The following HDAC9 variants were observed in gnomAD, a reference collection of about 807,000 sequenced individuals.
HDAC9 encodes histone deacetylase 9.
In HDAC9, 41 loss-of-function variants were observed where a neutral mutation model predicts 139.4. That is an observed-to-expected ratio of 0.29 (90% CI 0.23 to 0.38). HDAC9 has a LOEUF of 0.38. HDAC9 is among the 10% of genes least tolerant of loss of function. HDAC9 has a pLI of 1.00. For synonymous variants in HDAC9, 517 were observed against 476.2 expected (o/e 1.09, Z -1.12); for missense variants, 1,147 against 1,297.0 (o/e 0.88, Z 1.78).
rs546331881 is a variant in HDAC9, at chr7:18,095,837, A to G, written c.-97+8624A>G. Among the ~76,000 whole-genome samples the G allele has an allele frequency of 3.3e-5, 5 of 152,332 alleles. No homozygotes were observed. In the East Asian group the frequency reaches 5.8e-4, roughly 18 times the overall value. ...GTATTGTTGAAATTACATTGCCAGT[A>G]TCCAGTTTAAAAGTATAAAGATGCA... On this transcript the variant is annotated intron_variant, in intron 1 of 12. Coordinates refer to the HDAC9 transcript ENST00000417496.
At chr7:18,894,910 G>T (rs559547847) in intron 22 of HDAC9, among the ~76,000 whole-genome samples, 5 of 152,208 alleles carry the variant, frequency 3.3e-5, no homozygotes, top group Admixed American at 3.3e-4. Context: ...GAGTATGTGG[G>T]TCCAGATGCT....
intron 17 of HDAC9, among the ~76,000 whole-genome samples, chr7:18,826,733 T>G (rs1406408265): frequency 2.0e-5 from 3 of 150,704 alleles, no homozygotes; most frequent in Non-Finnish European, 4.4e-5. Flanking sequence ...TTTCTTAACA[T>G]GAACTCTAGA....
At chr7:18,967,743 A>T (rs1201899381) in intron 24 of HDAC9, among the ~76,000 whole-genome samples, 1 of 152,218 alleles carries the variant, frequency 6.6e-6, no homozygotes, top group Non-Finnish European at 1.5e-5. Flanking sequence ...AAACCTAAAC[A>T]AGCTTGATAT....
At chr7:18,330,978 A>C (rs1800876551) in intron 1 of HDAC9, among the ~76,000 whole-genome samples, 1 of 151,868 alleles carries the variant, frequency 6.6e-6, no homozygotes, top group African/African-American at 2.4e-5. Context: ...GATTACACAG[A>C]CATACAGTAA....
chr7:18,479,511 C>T (rs1795377717), intron 1 of HDAC9, among the ~76,000 whole-genome samples: 1 of 152,034 alleles, frequency 6.6e-6, no homozygotes, highest in African/African-American at 2.4e-5. Context: ...ATATTTGAAC[C>T]AATAATGTAT....
At chr7:18,345,252 A>C (rs185715902) in intron 1 of HDAC9, among the ~76,000 whole-genome samples, 4 of 152,182 alleles carry the variant, frequency 2.6e-5, no homozygotes, top group African/African-American at 7.2e-5. Context: ...CCTTGTGTAC[A>C]AAATGACTTA....
intron 2 of HDAC9, among the ~76,000 whole-genome samples, chr7:18,261,632 G>A (rs144508316): frequency 9.2e-5 from 14 of 152,312 alleles, no homozygotes; most frequent in Admixed American, 5.9e-4. Flanking sequence ...CCACGCAAAA[G>A]GTTTGAGGCT....
At chr7:18,709,119 T>G (rs1784157094) in intron 12 of HDAC9, among the ~76,000 whole-genome samples, 1 of 152,218 alleles carries the variant, frequency 6.6e-6, no homozygotes, top group East Asian at 1.9e-4. Context: ...ATGTGCAGGT[T>G]TGTTACATAG....
At chr7:18,112,095 A>C (rs760112175) in intron 1 of HDAC9, among the ~76,000 whole-genome samples, 6 of 152,174 alleles carry the variant, frequency 3.9e-5, no homozygotes, top group Non-Finnish European at 8.8e-5. Context: ...CTCCCTAATT[A>C]TTTTACAACA....
intron 22 of HDAC9, among the ~76,000 whole-genome samples, chr7:18,915,647 TAAA>T (rs11308716): frequency 2.7e-5 from 4 of 146,656 alleles, no homozygotes; most frequent in Non-Finnish European, 1.5e-5. Flanking sequence ...CTGCCATTGT[TAAA>T]AAAAAAAAAA....
At chr7:18,864,576 G>T (rs550255729) in intron 21 of HDAC9, among the ~76,000 whole-genome samples, 1 of 151,554 alleles carries the variant, frequency 6.6e-6, no homozygotes, top group East Asian at 1.9e-4. Context: ...AGTTGTTTAA[G>T]GGGGTGGATG....
intron 1 of HDAC9, among the ~76,000 whole-genome samples, chr7:18,445,852 T>C (rs769258769): frequency 4.6e-5 from 7 of 152,224 alleles, no homozygotes; most frequent in Non-Finnish European, 4.4e-5. Context: ...CATTAGGTGC[T>C]AGAAATAAAA....
chr7:18,480,718 G>A (rs1234633747), intron 1 of HDAC9, among the ~76,000 whole-genome samples: 1 of 152,174 alleles, frequency 6.6e-6, no homozygotes, highest in Non-Finnish European at 1.5e-5. Flanking sequence ...TTGGTACATA[G>A]GTGATAATGA....
chr7:18,087,914 CTG>C (rs1203430801), intron 1 of HDAC9: 1 of 152,250 alleles, frequency 6.6e-6, no homozygotes, highest in Admixed American at 6.5e-5. Context: ...GCCTGTGTGT[CTG>C]TGATGTGACA....
intron 1 of HDAC9, among the ~76,000 whole-genome samples, chr7:18,106,715 G>A (rs573735439): frequency 6.6e-6 from 1 of 152,114 alleles, no homozygotes; most frequent in African/African-American, 2.4e-5. Flanking sequence ...CAGCCTCCCA[G>A]TGTGCTGGGA....
chr7:18,685,130 G>C (rs942007128), intron 12 of HDAC9, among the ~76,000 whole-genome samples: 3 of 151,942 alleles, frequency 2.0e-5, no homozygotes, highest in African/African-American at 7.2e-5. Flanking sequence ...CTCTAGAAAG[G>C]TTAGTTGGAG....
chr7:18,831,856 G>A (rs1795880275), intron 19 of HDAC9, among the ~76,000 whole-genome samples: 5 of 152,106 alleles, frequency 3.3e-5, no homozygotes, highest in Admixed American at 2.6e-4. Flanking sequence ...TTAGCTGGGG[G>A]GTGTGAACTA....
intron 2 of HDAC9, among the ~76,000 whole-genome samples, chr7:18,170,646 GT>G (rs1420729183): frequency 6.6e-6 from 1 of 152,132 alleles, no homozygotes; most frequent in African/African-American, 2.4e-5. Flanking sequence ...AAGGGATCCA[GT>G]TTCAGCTTTC....
chr7:18,196,664 A>C (rs2128155965), intron 2 of HDAC9, among the ~76,000 whole-genome samples: 1 of 152,318 alleles, frequency 6.6e-6, no homozygotes, highest in African/African-American at 2.4e-5. Flanking sequence ...TTATAAGTTA[A>C]GGAGTAGAAC....
Sources: gnomAD v4.1 joint callset for allele counts (sites outside exome capture counted in the v4.1 genomes callset) on GRCh38, gnomAD v4.1.1 for gene constraint, MANE v1.5 for transcripts, NCBI Gene and HGNC (gene_info 2026-07-23, HGNC 2026-07-21) for gene names.